Variants in VPS8 observed in about 807,000 individuals in gnomAD.
The protein encoded by VPS8 is VPS8 subunit of CORVET complex, also known as vacuolar protein sorting-associated protein 8 homolog.
Under a neutral mutation model 216.4 loss-of-function variants are expected in VPS8, and 129 were observed. That is an observed-to-expected ratio of 0.60 (90% CI 0.52 to 0.69). VPS8 has a LOEUF of 0.69. Among genes scored for constraint, VPS8 ranks in the 30% least tolerant of loss-of-function variants. The pLI, the probability that VPS8 is intolerant of heterozygous loss-of-function variation, is 0.00. For synonymous variants in VPS8, 571 were observed against 565.4 expected (o/e 1.01, Z -0.14); for missense variants, 1,531 against 1,683.5 (o/e 0.91, Z 1.59).
chr3:184,835,470 G>A (rs1720855425), intron 5 of VPS8, among the ~76,000 whole-genome samples: 1 of 152,020 alleles, frequency 6.6e-6, no homozygotes, highest in South Asian at 2.1e-4. Flanking sequence ...ATATTTAATG[G>A]TCCATAGACA....
intron 44 of VPS8, among the ~76,000 whole-genome samples, chr3:184,998,484 T>C (rs1752925062): frequency 3.3e-3 from 1 of 306 alleles, no homozygotes; most frequent in East Asian, 0.071. Context: ...GAAGTTTATA[T>C]ATATATATAT....
In VPS8 at chr3:184,964,408, A is replaced by T. The variant is rs922232062; in HGVS notation, c.3184-60A>T. 3.7e-6 allele frequency: 4 copies of T among 1,086,186 alleles called. No individual in the cohort carries two copies. The East Asian group carries it at 1.1e-4, about 30-fold the overall frequency. The allele number at this position is 1,086,186 out of a possible 1,614,324, so 67.3% of individuals were successfully genotyped here. The stretch of plus-strand genomic sequence containing the variant: ...TATGAGTTTTTTCATCCTCAATGGG[A>T]TCTTCCCACTCCACAAATAAGATTG... On this transcript the variant is annotated intron_variant, in intron 37 of 47. Transcript: ENST00000625842.
chr3:184,979,331 CA>C (rs1749808254), intron 40 of VPS8, among the ~76,000 whole-genome samples: 1 of 152,112 alleles, frequency 6.6e-6, no homozygotes, highest in African/African-American at 2.4e-5. Context: ...GGTCAGGTGT[CA>C]CATTCAGGTC....
At chr3:184,838,643 A>G (rs1721558854) in intron 5 of VPS8, 71 bp from the exon 6 acceptor site, 1 of 1,256,598 alleles carries the variant, frequency 8.0e-7, no homozygotes, top group Middle Eastern at 2.0e-4. Context: ...TATGTAAAGC[A>G]AGAGCCATAT....
At chr3:184,824,902 A>T in intron 2 of VPS8, 117 bp downstream of exon 2, 14 of 912,188 alleles carry the variant, frequency 1.5e-5, no homozygotes, top group Non-Finnish European at 2.1e-5. Context: ...GAGTCTGTGT[A>T]TAATTTTTTT....
At chr3:184,900,052 G>A (rs938111937) in intron 24 of VPS8, among the ~76,000 whole-genome samples, 35 of 152,306 alleles carry the variant, frequency 2.3e-4, no homozygotes, top group African/African-American at 6.5e-4. Flanking sequence ...TAGAATGAAA[G>A]CGTGTCATCA....
chr3:184,845,827 A>C (rs183363094), intron 8 of VPS8, among the ~76,000 whole-genome samples: 1 of 151,966 alleles, frequency 6.6e-6, no homozygotes. Context: ...GAGTCAAAGT[A>C]GATTACATTT....
chr3:185,024,394 G>T lies in VPS8; in HGVS notation c.4056+5G>T. On this transcript the variant is annotated splice_donor_5th_base_variant and intron_variant, in intron 46 of 47. Coordinates refer to ENST00000625842, the MANE Select transcript of VPS8 (RefSeq NM_001009921.3). ...GGGGATCCCACTGCTAAAAAGGTGA[G>T]TTTGTTTTAAAGGCAAAAAACCAGT... The T allele has an allele frequency of 6.3e-7, 1 of 1,592,940 alleles. No individual in the cohort carries two copies. The highest frequency in any genetic ancestry group is 8.6e-7 in the Non-Finnish European group (1 of 1,168,674).
chr3:185,004,781 A>T (rs6414512), intron 45 of VPS8, among the ~76,000 whole-genome samples: 1 of 152,088 alleles, frequency 6.6e-6, no homozygotes, highest in African/African-American at 2.4e-5. Flanking sequence ...TAGATCCATA[A>T]TTTGTGAATA....
At chr3:184,831,308 C>T (rs765537380) in intron 3 of VPS8, among the ~76,000 whole-genome samples, 25 of 152,130 alleles carry the variant, frequency 1.6e-4, no homozygotes, top group Non-Finnish European at 3.5e-4. Context: ...GCCTGGGTGA[C>T]AGGGAATGGT....
chr3:184,834,837 C>G, intron 5 of VPS8, 95 bp downstream of exon 5: 2 of 953,760 alleles, frequency 2.1e-6, no homozygotes, highest in Non-Finnish European at 3.0e-6. Context: ...TTCTCTTGGC[C>G]CGAGGCTTAA....
At chr3:184,871,434 AG>A (rs1728331204) in intron 21 of VPS8, among the ~76,000 whole-genome samples, 2 of 152,212 alleles carry the variant, frequency 1.3e-5, no homozygotes, top group South Asian at 4.1e-4. Context: ...CAAATATTTG[AG>A]TGTCCAATAC....
intron 45 of VPS8, among the ~76,000 whole-genome samples, chr3:185,006,384 A>G (rs1366414257): frequency 6.6e-6 from 1 of 152,136 alleles, no homozygotes; most frequent in Non-Finnish European, 1.5e-5. Flanking sequence ...GTGAGGGCCA[A>G]TATTTGACCT....
At chr3:185,028,591 A>C (rs1757700583) in intron 46 of VPS8, among the ~76,000 whole-genome samples, 1 of 152,232 alleles carries the variant, frequency 6.6e-6, no homozygotes, top group Admixed American at 6.5e-5. Context: ...GGTAAGAAAA[A>C]AGATCCTAAC....
Position 185,051,928 on chromosome 3 carries a change from C to T in VPS8, c.4190C>T (p.Pro1397Leu), listed in dbSNP as rs2108566746. The change falls in exon 48 of 48, where the codon CCA becomes CTA. Residue 1397 changes from proline (P) to leucine (L), a missense_variant. Coordinates refer to ENST00000625842, the MANE Select transcript of VPS8 (RefSeq NM_001009921.3). ...SQNRSSESYRPFSGSQSAPAF... is the reference protein window; with the variant it reads ...SQNRSSESYRLFSGSQSAPAF... ...AATCGCAGCAGCGAGAGCTATAGGC[C>T]ATTCAGTGGCTCGCAGAGTGCTCCT... 2 of 1,613,484 alleles carry T rather than the reference C, an allele frequency of 1.2e-6. No individual in the cohort carries two copies. Among genetic ancestry groups the T allele is most frequent in the Admixed American group, 1.7e-5 (1 of 59,982 alleles).
chr3:184,974,691 G>A (rs1360717980), intron 40 of VPS8, among the ~76,000 whole-genome samples: 1 of 151,994 alleles, frequency 6.6e-6, no homozygotes, highest in Non-Finnish European at 1.5e-5. Context: ...ATGCATGTGG[G>A]CTTTACATTT....
intron 47 of VPS8, among the ~76,000 whole-genome samples, chr3:185,051,340 C>G (rs1204207175): frequency 1.3e-5 from 2 of 152,132 alleles, no homozygotes; most frequent in Non-Finnish European, 2.9e-5. Context: ...AGGGGTTCCA[C>G]TCTGGAACCC....
At chr3:185,014,169 G>A (rs565610207) in intron 45 of VPS8, among the ~76,000 whole-genome samples, 38 of 152,264 alleles carry the variant, frequency 2.5e-4, no homozygotes, top group African/African-American at 8.4e-4. Flanking sequence ...GAATACTCAC[G>A]GCAATGGTAA....
At chr3:184,885,880 A>G (rs943625392) in intron 21 of VPS8, 6 of 436,720 alleles carry the variant, frequency 1.4e-5, no homozygotes, top group Middle Eastern at 6.3e-4. Flanking sequence ...ATGCATTAAA[A>G]TAATTTTTAT....
Sources: gnomAD v4.1 joint callset for allele counts (sites outside exome capture counted in the v4.1 genomes callset) on GRCh38, gnomAD v4.1.1 for gene constraint, MANE v1.5 for transcripts, NCBI Gene and HGNC (gene_info 2026-07-23, HGNC 2026-07-21) for gene names.